Variants in AKAP7 observed in about 807,000 individuals in gnomAD.
AKAP7 encodes the protein A kinase (PRKA) anchor protein 7.
A neutral mutation model predicts 39.5 loss-of-function variants in AKAP7; 39 were observed. The ratio of observed to expected loss-of-function variants is 0.99; its 90% confidence interval spans 0.76 to 1.29. The LOEUF (loss-of-function observed/expected upper bound fraction) is 1.29, where lower values mean the gene tolerates loss of function less well. Ranked by LOEUF, AKAP7 falls within the 50% of genes most tolerant of loss-of-function variation. AKAP7 has a pLI of 0.00. For synonymous variants in AKAP7, 140 were observed against 139.1 expected (o/e 1.01, Z -0.05); for missense variants, 414 against 407.7 (o/e 1.02, Z -0.13).
chr6:131,239,196 G>T (rs1811323086), intron 7 of AKAP7, among the ~76,000 whole-genome samples: 1 of 152,060 alleles, frequency 6.6e-6, no homozygotes, highest in Admixed American at 6.6e-5. Flanking sequence ...TGAAATTCTG[G>T]GTTGAAAATT....
chr6:131,196,767 A>G (rs1474767852), intron 5 of AKAP7, among the ~76,000 whole-genome samples: 3 of 151,986 alleles, frequency 2.0e-5, no homozygotes, highest in Non-Finnish European at 4.4e-5. Flanking sequence ...AAAAATATGA[A>G]TTTTTCACAT....
intron 7 of AKAP7, among the ~76,000 whole-genome samples, chr6:131,276,684 A>T (rs946976879): frequency 2.0e-5 from 3 of 152,196 alleles, no homozygotes; most frequent in African/African-American, 7.2e-5. Flanking sequence ...TTAGAATGTG[A>T]GCAAGTGAGA....
chr6:131,238,390 G>T (rs1811260759), intron 7 of AKAP7, among the ~76,000 whole-genome samples: 2 of 152,176 alleles, frequency 1.3e-5, no homozygotes, highest in South Asian at 4.1e-4. Context: ...CTGTTGATTT[G>T]GGGTAGAGAG....
At position 131,265,784 on chromosome 6, in the gene AKAP7, C is replaced by T. The variant is rs556025543; in HGVS notation, c.851-15746C>T. The stretch of plus-strand genomic sequence containing the variant: ...TGTCAGTTTTTAGTTTTGTAGACTT[C>T]GGCAAGTCTCATGGCTTCTCTGACT... On this transcript the variant is annotated intron_variant, in intron 7 of 7. Coordinates refer to ENST00000431975, the MANE Select transcript of AKAP7 (RefSeq NM_016377.4). Among the ~76,000 whole-genome samples, 215 of 152,202 alleles carry T rather than the reference C, an allele frequency of 1.4e-3. 1 individual carries two copies. Among genetic ancestry groups the T allele is most frequent in the Middle Eastern group, 0.01 (3 of 294 alleles).
intron 7 of AKAP7, among the ~76,000 whole-genome samples, chr6:131,233,393 C>T (rs1810791013): frequency 6.6e-6 from 1 of 152,120 alleles, no homozygotes. Context: ...TTTAATGACT[C>T]AAAGCCCAGT....
intron 7 of AKAP7, among the ~76,000 whole-genome samples, chr6:131,261,380 A>G (rs1813322496): frequency 6.6e-6 from 1 of 152,218 alleles, no homozygotes; most frequent in South Asian, 2.1e-4. Flanking sequence ...GTTGGTACCA[A>G]TGAATCCTAG....
chr6:131,202,234 A>G (rs1230018616), intron 6 of AKAP7, among the ~76,000 whole-genome samples: 1 of 148,832 alleles, frequency 6.7e-6, no homozygotes, highest in Non-Finnish European at 1.5e-5. Context: ...TAGAAATACC[A>G]TTTGACCCAG....
chr6:131,203,253 A>C (rs533271376), intron 6 of AKAP7, among the ~76,000 whole-genome samples: 1 of 152,220 alleles, frequency 6.6e-6, no homozygotes, highest in Admixed American at 6.5e-5. Flanking sequence ...CTCAGTCTTA[A>C]CGTTTTTACA....
At chr6:131,176,285 G>T (rs1216152674) in intron 5 of AKAP7, among the ~76,000 whole-genome samples, 37 of 143,310 alleles carry the variant, frequency 2.6e-4, no homozygotes, top group Admixed American at 2.5e-3. Flanking sequence ...GATCCTGTGT[G>T]TTTTTTTTTT....
At chr6:131,241,929 A>T in intron 7 of AKAP7, 2 of 528,926 alleles carry the variant, frequency 3.8e-6, no homozygotes, top group Non-Finnish European at 4.8e-6. Flanking sequence ...TGCATCTTCT[A>T]CAGAGAAACT....
rs35340343 is a variant in AKAP7 at position 131,199,389 on chromosome 6, A to AT, written c.590-63dup. On this transcript the variant is annotated intron_variant, in intron 5 of 7. Transcript: ENST00000431975. ...ATAATTAGTGATTGTTTGAACTGGTATTTTTTTTTACAGTTAAAAAGAACT... is the reference window on the plus strand; with the variant it reads ...ATAATTAGTGATTGTTTGAACTGGTATTTTTTTTTTACAGTTAAAAAGAACT... The AT allele has an allele frequency of 1.2e-3, 1,210 of 982,598 alleles. 1 individual carries two copies. The highest frequency in any genetic ancestry group is 2.1e-3 in the South Asian group (134 of 65,342). The allele number at this position is 982,598 out of a possible 1,614,324, so 60.9% of individuals were successfully genotyped here. A position where few individuals can be genotyped will look rare whatever the true frequency, so the allele number is the denominator to read the frequency against.
intron 6 of AKAP7, among the ~76,000 whole-genome samples, chr6:131,199,820 A>G (rs1336890213): frequency 2.0e-5 from 3 of 151,436 alleles, no homozygotes; most frequent in East Asian, 3.9e-4. Flanking sequence ...TATTTCTACC[A>G]CTGTTGCCTC....
intron 5 of AKAP7, among the ~76,000 whole-genome samples, chr6:131,194,121 T>C (rs974768939): frequency 6.6e-6 from 1 of 151,986 alleles, no homozygotes; most frequent in African/African-American, 2.4e-5. Context: ...TTAGAATGCA[T>C]CATTAGGTTA....
chr6:131,185,040 C>A (rs1473382097), intron 5 of AKAP7: 2 of 730,378 alleles, frequency 2.7e-6, no homozygotes, highest in African/African-American at 3.4e-5. Flanking sequence ...TCGTGCTTGA[C>A]TGTTTGTCAC....
At chr6:131,203,732 C>T (rs1215951373) in intron 6 of AKAP7, among the ~76,000 whole-genome samples, 1 of 152,088 alleles carries the variant, frequency 6.6e-6, no homozygotes, top group Admixed American at 6.6e-5. Flanking sequence ...TACATACATG[C>T]ATATAGTTTC....
At chr6:131,170,905 A>G (rs1803983401) in intron 5 of AKAP7, among the ~76,000 whole-genome samples, 1 of 152,208 alleles carries the variant, frequency 6.6e-6, no homozygotes, top group African/African-American at 2.4e-5. Flanking sequence ...AGTTATCTTT[A>G]TAGTAGAAGA....
chr6:131,261,253 C>A (rs982227571), intron 7 of AKAP7, among the ~76,000 whole-genome samples: 1 of 150,016 alleles, frequency 6.7e-6, no homozygotes, highest in Non-Finnish European at 1.5e-5. Context: ...GGCTTTAAGA[C>A]CAACAAATAT....
chr6:131,247,532 G>A (rs1284667934), intron 7 of AKAP7, among the ~76,000 whole-genome samples: 1 of 151,120 alleles, frequency 6.6e-6, no homozygotes, highest in Admixed American at 6.6e-5. Context: ...CACTATGTTA[G>A]GCTGGTCTTG....
chr6:131,150,621 A>T (rs1801837354), intron 2 of AKAP7, among the ~76,000 whole-genome samples: 1 of 152,238 alleles, frequency 6.6e-6, no homozygotes, highest in African/African-American at 2.4e-5. Context: ...TAAAAAAATA[A>T]GAAAATGAAT....
Sources: gnomAD v4.1 joint callset for allele counts (sites outside exome capture counted in the v4.1 genomes callset) on GRCh38, gnomAD v4.1.1 for gene constraint, MANE v1.5 for transcripts, NCBI Gene and HGNC (gene_info 2026-07-23, HGNC 2026-07-21) for gene names.